The following SHANK2 variants were observed in gnomAD, a reference collection of about 807,000 sequenced individuals.
SHANK2 encodes the protein SH3 and multiple ankyrin repeat domains 2, also known as SH3 and multiple ankyrin repeat domains protein 2.
SHANK2 carries 43 observed loss-of-function variants against 133.7 expected under a neutral mutation model. The observed-to-expected ratio is 0.32, with a 90% CI of 0.25 to 0.41. The LOEUF (loss-of-function observed/expected upper bound fraction) is 0.41, where lower values mean the gene tolerates loss of function less well. SHANK2 is among the 10% of genes least tolerant of loss of function. SHANK2 has a pLI of 1.00. For missense variants in SHANK2, 1,994 were observed against 2,235.8 expected, an observed-to-expected ratio of 0.89 and a Z score of 2.18; for synonymous variants, 1,017 against 952.8, an observed-to-expected ratio of 1.07 and a Z score of -1.24.
At chr11:71,087,034 A>C (rs905680204) in intron 8 of SHANK2, among the ~76,000 whole-genome samples, 109 of 152,314 alleles carry the variant, frequency 7.2e-4, no homozygotes, top group Middle Eastern at 3.4e-3. Context: ...TTCTAAGCTG[A>C]GGTGGGAGCA....
chr11:70,515,045 C>T (rs1488179347), intron 17 of SHANK2, among the ~76,000 whole-genome samples: 2 of 152,168 alleles, frequency 1.3e-5, no homozygotes, highest in Non-Finnish European at 2.9e-5. Flanking sequence ...TAATATCAGA[C>T]AAAATAAATT....
chr11:70,719,749 G>A (rs995801821), intron 14 of SHANK2, among the ~76,000 whole-genome samples: 1 of 151,218 alleles, frequency 6.6e-6, no homozygotes, highest in African/African-American at 2.4e-5. Flanking sequence ...ACAGCCCCGC[G>A]CTCCCCTGCT....
At chr11:71,103,448 C>T (rs1409432396) in intron 6 of SHANK2, among the ~76,000 whole-genome samples, 1 of 152,248 alleles carries the variant, frequency 6.6e-6, no homozygotes, top group Non-Finnish European at 1.5e-5. Context: ...ACCGGATACA[C>T]TGGTCACCCT....
At chr11:71,225,828 A>T (rs1232236279) in intron 1 of SHANK2, among the ~76,000 whole-genome samples, 1 of 152,270 alleles carries the variant, frequency 6.6e-6, no homozygotes, top group Non-Finnish European at 1.5e-5. Flanking sequence ...GAATCAAGTG[A>T]AAATGATAGA....
intron 17 of SHANK2, among the ~76,000 whole-genome samples, chr11:70,648,179 TGGAAAATGCCC>T (rs1565211991): frequency 6.6e-6 from 1 of 151,938 alleles, no homozygotes; most frequent in Non-Finnish European, 1.5e-5. Context: ...ATTCTGTGGG[TGGAAAATGCCC>T]GGAACAGGCA....
chr11:71,160,102 C>A (rs1295303863), intron 2 of SHANK2, among the ~76,000 whole-genome samples: 30 of 152,062 alleles, frequency 2.0e-4, no homozygotes, highest in African/African-American at 6.8e-4. Context: ...TACAGTCCAT[C>A]GCAGGGGACA....
At chr11:70,705,154 A>AT (rs2134538383) in intron 14 of SHANK2, 1 of 152,220 alleles carries the variant, frequency 6.6e-6, no homozygotes, top group East Asian at 1.9e-4. Flanking sequence ...GGAATTTTTT[A>AT]TTTTTTATTT....
intron 11 of SHANK2, among the ~76,000 whole-genome samples, chr11:70,869,373 C>T (rs1555069720): frequency 1.3e-5 from 2 of 152,198 alleles, no homozygotes; most frequent in African/African-American, 4.8e-5. Flanking sequence ...GTCCACAGGC[C>T]ACAGAATGCT....
At chr11:70,757,318 C>A (rs2134950237) in intron 14 of SHANK2, among the ~76,000 whole-genome samples, 1 of 152,334 alleles carries the variant, frequency 6.6e-6, no homozygotes, top group South Asian at 2.1e-4. Context: ...GGGATAACAA[C>A]CATATCAACC....
chr11:71,071,520 T>A (rs1951141006), intron 9 of SHANK2, among the ~76,000 whole-genome samples: 1 of 152,212 alleles, frequency 6.6e-6, no homozygotes, highest in African/African-American at 2.4e-5. Flanking sequence ...GCATAATAAC[T>A]GCCTGGTCCT....
At chr11:71,168,003 G>C (rs1394639616) in intron 2 of SHANK2, among the ~76,000 whole-genome samples, 2 of 142,106 alleles carry the variant, frequency 1.4e-5, no homozygotes, top group Non-Finnish European at 1.5e-5. Context: ...TGGCTGCTGG[G>C]CGGAGGGGCT....
At position 70,879,543 on chromosome 11, in the gene SHANK2, T is replaced by C. The variant is rs1484534758; in HGVS notation, c.1174+16958A>G. The stretch of plus-strand genomic sequence containing the variant: ...CCAAGACCACACGGAAAATTCCGGA[T>C]TGGAACCCTCGTCCCTCTGGGATTT... On this transcript the variant is annotated intron_variant, in intron 11 of 25. Coordinates refer to ENST00000601538, the MANE Select transcript of SHANK2 (RefSeq NM_012309.5). 7.9e-5 allele frequency among the ~76,000 whole-genome samples: 12 copies of C among 152,296 alleles called. No individual in the cohort carries two copies. The East Asian group carries it at 2.3e-3, about 29-fold the overall frequency.
chr11:70,588,849 G>A (rs557426736), intron 17 of SHANK2, among the ~76,000 whole-genome samples: 5 of 152,240 alleles, frequency 3.3e-5, no homozygotes, highest in East Asian at 1.9e-4. Context: ...ATGGAGTCGC[G>A]CTCTGTCGCC....
chr11:71,148,602 G>A (rs1211800644), intron 2 of SHANK2, among the ~76,000 whole-genome samples: 14 of 152,194 alleles, frequency 9.2e-5, no homozygotes, highest in Non-Finnish European at 1.2e-4. Flanking sequence ...ACGAGGCCAC[G>A]TGCATATGGA....
chr11:71,089,658 C>A (rs1405888772), intron 8 of SHANK2, among the ~76,000 whole-genome samples: 1 of 151,854 alleles, frequency 6.6e-6, no homozygotes, highest in Non-Finnish European at 1.5e-5. Flanking sequence ...GTGGTGCACC[C>A]GGAATGGCTG....
chr11:70,832,809 G>C (rs1555058952), intron 11 of SHANK2, among the ~76,000 whole-genome samples: 2 of 151,264 alleles, frequency 1.3e-5, no homozygotes. Flanking sequence ...AGCTGCCCCA[G>C]ACCCTGAGAA....
At chr11:71,136,088 C>T (rs567190819) in intron 3 of SHANK2, among the ~76,000 whole-genome samples, 28 of 152,204 alleles carry the variant, frequency 1.8e-4, no homozygotes, top group South Asian at 6.2e-4. Flanking sequence ...ATGGTCCCCA[C>T]GGCGAAAAAG....
intron 17 of SHANK2, among the ~76,000 whole-genome samples, chr11:70,503,940 C>T (rs541911822): frequency 9.2e-5 from 14 of 152,192 alleles, no homozygotes; most frequent in Non-Finnish European, 1.2e-4. Context: ...GAAAAGGCCC[C>T]GGCCTCACCC....
At chr11:70,596,589 G>A (rs576881444) in intron 17 of SHANK2, among the ~76,000 whole-genome samples, 6 of 151,968 alleles carry the variant, frequency 3.9e-5, no homozygotes, top group South Asian at 2.1e-4. Context: ...ATCCTGATGC[G>A]GGGGGGCGGC....
Sources: allele counts gnomAD v4.1 joint callset (sites outside exome capture counted in the v4.1 genomes callset), GRCh38; gene constraint gnomAD v4.1.1; transcripts MANE v1.5; gene names NCBI Gene and HGNC (gene_info 2026-07-23, HGNC 2026-07-21).